SAXO1: variants seen among roughly 807,000 people sequenced by gnomAD.
The protein encoded by SAXO1 is 4930500O09Rik.
In SAXO1, 21 loss-of-function variants were observed where a neutral mutation model predicts 17.5. The ratio of observed to expected loss-of-function variants is 1.20; its 90% confidence interval spans 0.85 to 1.72. The LOEUF (loss-of-function observed/expected upper bound fraction) is 1.72, where lower values mean the gene tolerates loss of function less well. Among genes scored for constraint, SAXO1 ranks in the 40% most tolerant of loss-of-function variants. SAXO1 has a pLI of 0.00. For synonymous variants in SAXO1, 274 were observed against 216.5 expected, an observed-to-expected ratio of 1.27 and a Z score of -2.33; for missense variants, 843 against 596.0, an observed-to-expected ratio of 1.41 and a Z score of -4.32.
intron 1 of SAXO1, among the ~76,000 whole-genome samples, chr9:18,955,280 C>G (rs1832211408): frequency 1.9e-5 from 1 of 51,712 alleles, no homozygotes; most frequent in African/African-American, 9.9e-5. Flanking sequence ...ACCCAATATA[C>G]CTAAATTATC....
rs376663299 is a variant in SAXO1 at position 18,999,169 on chromosome 9, TAAAG to T, written c.38+33698_38+33701del. Among the ~76,000 whole-genome samples the T allele has an allele frequency of 5.5e-3, 834 of 152,300 alleles. 7 individuals carry two copies. The highest frequency in any genetic ancestry group is 0.014 in the South Asian group (68 of 4,828). On this transcript the variant is annotated intron_variant, in intron 1 of 3. Coordinates refer to ENST00000380534, the MANE Select transcript of SAXO1 (RefSeq NM_153707.4). ...AAAAGACACAGACTGGCAAATTGGA[TAAAG>T]AGTCAAGACCTACCTGTGTGCTGTA...
chr9:19,023,880 C>T (rs549183488), intron 1 of SAXO1, among the ~76,000 whole-genome samples: 7 of 151,866 alleles, frequency 4.6e-5, no homozygotes, highest in Non-Finnish European at 7.4e-5. Flanking sequence ...CACAGTAGCT[C>T]CTCACACCAG....
intron 1 of SAXO1, among the ~76,000 whole-genome samples, chr9:19,022,467 G>A (rs1835287021): frequency 6.6e-6 from 1 of 152,126 alleles, no homozygotes; most frequent in Admixed American, 6.6e-5. Flanking sequence ...AAAGAACAGG[G>A]TATTCAATTG....
At chr9:18,939,010 G>A (rs1831434798) in intron 3 of SAXO1, among the ~76,000 whole-genome samples, 1 of 151,842 alleles carries the variant, frequency 6.6e-6, no homozygotes, top group African/African-American at 2.4e-5. Flanking sequence ...CTAGGGCAAG[G>A]TGGAAGAGAG....
At chr9:19,026,703 C>T (rs977784526) in intron 1 of SAXO1, among the ~76,000 whole-genome samples, 3 of 152,078 alleles carry the variant, frequency 2.0e-5, no homozygotes, top group Admixed American at 6.6e-5. Context: ...TTTGAATTTT[C>T]AAAATACTGT....
intron 1 of SAXO1, among the ~76,000 whole-genome samples, chr9:18,978,701 T>C (rs7862966): frequency 0.18 from 27,048 of 152,156 alleles, 5,248 homozygotes; most frequent in African/African-American, 0.49. Context: ...CTGTTCTAGA[T>C]GCATACATCC....
chr9:18,952,004 T>C (rs764057640), intron 1 of SAXO1, among the ~76,000 whole-genome samples: 1 of 152,236 alleles, frequency 6.6e-6, no homozygotes, highest in Non-Finnish European at 1.5e-5. Flanking sequence ...ATAAATAGTA[T>C]TTAGCAGTTA....
rs1444206753 is a variant in SAXO1, at chr9:18,927,903, C to G, written c.*149G>C. On this transcript the variant is annotated 3_prime_UTR_variant, in exon 4 of 4. Coordinates refer to ENST00000380534, the MANE Select transcript of SAXO1 (RefSeq NM_153707.4). ...GTCATTTTCCCTGAGTCAAGTGATT[C>G]TCATTTTATTCAAGTGCTCTGGAAG... is the stretch of plus-strand genomic sequence containing the variant. The G allele has an allele frequency of 4.9e-6, 4 of 810,554 alleles. No individual in the cohort carries two copies. Among genetic ancestry groups the G allele is most frequent in the Admixed American group, 5.9e-5 (2 of 33,720 alleles). The allele number at this position is 810,554 out of a possible 1,614,324, so 50.2% of individuals were successfully genotyped here.
Position 18,928,493 on chromosome 9 carries a change from A to C in SAXO1, c.984T>G (p.Ile328Met), listed in dbSNP as rs749570047. Residue 328 changes from isoleucine to methionine, a missense_variant, in exon 4 of 4, where the codon ATT becomes ATG. Transcript: ENST00000380534. ...PAQSCRPALQ[I>M]KKCGRFEGSS... Reference sequence around the variant, plus strand: ...AGCCTTCAAAGCGACCGCACTTCTTAATCTGAAGTGCAGGTCGGCAGGACT... The same window carrying C: ...AGCCTTCAAAGCGACCGCACTTCTTCATCTGAAGTGCAGGTCGGCAGGACT... 1 of 1,613,542 alleles carries C rather than the reference A, an allele frequency of 6.2e-7. No individual in the cohort carries two copies. Among genetic ancestry groups the C allele is most frequent in the African/African-American group, 1.3e-5 (1 of 74,946 alleles).
intron 1 of SAXO1, among the ~76,000 whole-genome samples, chr9:19,026,420 T>C (rs552404793): frequency 6.6e-6 from 1 of 152,196 alleles, no homozygotes; most frequent in Non-Finnish European, 1.5e-5. Context: ...TATTTCCTTA[T>C]CTGTAAAATA....
At chr9:18,946,366 G>C (rs1786871405) in intron 2 of SAXO1, among the ~76,000 whole-genome samples, 1 of 148,594 alleles carries the variant, frequency 6.7e-6, no homozygotes, top group Non-Finnish European at 1.5e-5. Context: ...CTGGAAATGA[G>C]AGAGTCAAAG....
chr9:19,027,994 GC>G (rs1446618106), intron 1 of SAXO1: 1 of 1,587,052 alleles, frequency 6.3e-7, no homozygotes, highest in Non-Finnish European at 8.6e-7. Context: ...CTTCAACGGG[GC>G]CCAGTGCAAG....
chr9:18,970,502 G>A (rs1832908440), intron 1 of SAXO1, among the ~76,000 whole-genome samples: 1 of 152,136 alleles, frequency 6.6e-6, no homozygotes, highest in South Asian at 2.1e-4. Context: ...TCAAGTTCAG[G>A]CAAAGAACTG....
intron 1 of SAXO1, among the ~76,000 whole-genome samples, chr9:19,005,740 T>C (rs1196391137): frequency 1.3e-5 from 2 of 152,098 alleles, no homozygotes; most frequent in Non-Finnish European, 2.9e-5. Context: ...GGCTATGACA[T>C]CAAAAGCACA....
At chr9:19,031,618 T>A (rs1835777630) in intron 1 of SAXO1, among the ~76,000 whole-genome samples, 1 of 152,162 alleles carries the variant, frequency 6.6e-6, no homozygotes, top group Non-Finnish European at 1.5e-5. Context: ...TAACATGTAG[T>A]CCTAGACTAT....
At chr9:18,986,012 G>C (rs1833578746) in intron 1 of SAXO1, among the ~76,000 whole-genome samples, 1 of 152,170 alleles carries the variant, frequency 6.6e-6, no homozygotes, top group Non-Finnish European at 1.5e-5. Context: ...AATTAGACCA[G>C]GCCTGGAATT....
intron 1 of SAXO1, among the ~76,000 whole-genome samples, chr9:18,961,474 G>T (rs1832480405): frequency 1.3e-5 from 2 of 152,128 alleles, no homozygotes; most frequent in Admixed American, 6.6e-5. Flanking sequence ...TACTCCTAAT[G>T]CTATCCCTCC....
Position 18,928,351 on chromosome 9 carries a change from C to T in SAXO1, c.1126G>A (p.Ala376Thr). The change falls in exon 4 of 4, where the codon GCC becomes ACC. Residue 376 changes from alanine to threonine, a missense_variant. By Grantham distance (58) the Ala-to-Thr change is moderately conservative. Transcript: ENST00000380534. ...EPLDCLTTTR[A>T]HYVPHLPINT... is the part of the protein sequence containing the mutation. Reference sequence around the variant, plus strand: ...ATAGGCAGGTGGGGCACATAGTGGGCCCGAGTGGTGGTCAGGCAGTCCAGG... The same window carrying T: ...ATAGGCAGGTGGGGCACATAGTGGGTCCGAGTGGTGGTCAGGCAGTCCAGG... 1 of 1,612,664 alleles carries T rather than the reference C, an allele frequency of 6.2e-7. No individual in the cohort carries two copies. Among genetic ancestry groups the T allele is most frequent in the East Asian group, 2.2e-5 (1 of 44,788 alleles).
rs150056960 is a variant in SAXO1, at chr9:19,042,030, T to C, written c.-158+7179A>G. On this transcript the variant is annotated intron_variant, in intron 1 of 3. Transcript: ENST00000542071. ...CAACCCACCGAATGGGAGATAATAT[T>C]TGCAAACTACCCATCTGATAAAAAA... Among the ~76,000 whole-genome samples, 679 of 152,234 alleles carry C rather than the reference T, an allele frequency of 4.5e-3. 2 individuals are homozygous for C. The highest frequency in any genetic ancestry group is 0.016 in the African/African-American group (653 of 41,532).
Sources: gnomAD v4.1 joint callset for allele counts (sites outside exome capture counted in the v4.1 genomes callset) on GRCh38, gnomAD v4.1.1 for gene constraint, MANE v1.5 for transcripts, NCBI Gene and HGNC (gene_info 2026-07-23, HGNC 2026-07-21) for gene names.